Variants in PSMG2 observed in about 807,000 individuals in gnomAD.
PSMG2 encodes the protein proteasome assembly chaperone 2.
PSMG2 carries 21 observed loss-of-function variants against 31.5 expected under a neutral mutation model. That is an observed-to-expected ratio of 0.67 (90% CI 0.47 to 0.96). PSMG2 has a LOEUF of 0.96. Among genes scored for constraint, PSMG2 ranks in the 40% least tolerant of loss-of-function variants. The pLI, the probability that PSMG2 is intolerant of heterozygous loss-of-function variation, is 0.00. For synonymous variants in PSMG2, 120 were observed against 110.4 expected, an observed-to-expected ratio of 1.09 and a Z score of -0.54; for missense variants, 318 against 321.2, an observed-to-expected ratio of 0.99 and a Z score of 0.08.
intron 4 of PSMG2, among the ~76,000 whole-genome samples, chr18:12,719,016 A>G (rs28560323): frequency 0.018 from 2,779 of 152,334 alleles, 77 homozygotes; most frequent in African/African-American, 0.063. Flanking sequence ...AGTTATTTCC[A>G]TATGTTACCT....
intron 1 of PSMG2, among the ~76,000 whole-genome samples, chr18:12,688,909 T>G (rs1473971071): frequency 6.6e-6 from 1 of 151,942 alleles, no homozygotes; most frequent in African/African-American, 2.4e-5. Context: ...GGTCAGGAGA[T>G]CGAGACCATC....
upstream of PSMG2, chr18:12,702,763 T>C (rs1049036738): frequency 1.7e-6 from 1 of 589,368 alleles, no homozygotes; most frequent in Non-Finnish European, 2.9e-6. Context: ...TTTCAAACAG[T>C]GGCGGACAAA....
intron 6 of PSMG2, 79 bp from the exon 7 acceptor site, chr18:12,725,360 G>A: frequency 8.7e-7 from 1 of 1,155,122 alleles, no homozygotes; most frequent in Non-Finnish European, 1.2e-6. Context: ...GAACACAAAA[G>A]GAGAGTTTTA....
intron 1 of PSMG2, among the ~76,000 whole-genome samples, chr18:12,659,247 C>A (rs1337337990): frequency 6.9e-6 from 1 of 144,450 alleles, no homozygotes; most frequent in Admixed American, 6.8e-5. Flanking sequence ...TCAACAATTG[C>A]ATCTTGCGGT....
At chr18:12,723,773 G>T (rs2040451398) in intron 5 of PSMG2, among the ~76,000 whole-genome samples, 1 of 152,154 alleles carries the variant, frequency 6.6e-6, no homozygotes, top group South Asian at 2.1e-4. Context: ...ACTGTTTTAA[G>T]CATTTTGCCT....
In PSMG2 at chr18:12,690,706, C is replaced by T. The variant is rs149067520; in HGVS notation, c.-36-15844C>T. ...TCCTGACCTCTTGATCCACCCACCT[C>T]GGCCTCCCCAAGTGCTGGGATTACA... On this transcript the variant is annotated intron_variant, in intron 1 of 6. Transcript: ENST00000585331. Among the ~76,000 whole-genome samples the T allele has an allele frequency of 8.9e-3, 1,360 of 152,224 alleles. 28 individuals carry two copies. Among genetic ancestry groups the T allele is most frequent in the African/African-American group, 0.03 (1,253 of 41,550 alleles).
At chr18:12,658,952 A>C in intron 1 of PSMG2, 1 of 206,472 alleles carries the variant, frequency 4.8e-6, no homozygotes, top group Non-Finnish European at 1.0e-5. Flanking sequence ...CAAGTACCAC[A>C]CTCATCAGAG....
At chr18:12,702,218 C>T (rs544533224), upstream of PSMG2, among the ~76,000 whole-genome samples, 123 of 152,348 alleles carry the variant, frequency 8.1e-4, no homozygotes, top group African/African-American at 2.8e-3. Context: ...TCGCTAAGCG[C>T]TTCATTCTCA....
At chr18:12,696,937 T>G (rs948790626) in intron 1 of PSMG2, among the ~76,000 whole-genome samples, 1 of 147,872 alleles carries the variant, frequency 6.8e-6, no homozygotes, top group African/African-American at 2.7e-5. Flanking sequence ...AGCCTTATAT[T>G]TAATCAAATG....
intron 1 of PSMG2, among the ~76,000 whole-genome samples, chr18:12,662,760 G>C (rs999203433): frequency 6.6e-5 from 10 of 152,182 alleles, no homozygotes; most frequent in African/African-American, 2.4e-4. Flanking sequence ...CTGGGCGATA[G>C]AGTGAGACCT....
Position 12,718,669 on chromosome 18 carries a change from A to G in PSMG2, c.407+34A>G, listed in dbSNP as rs772657815. 3.4e-6 allele frequency: 5 copies of G among 1,484,230 alleles called. No individual in the cohort carries two copies. The South Asian group carries it at 4.8e-5, about 14-fold the overall frequency. The allele number at this position is 1,484,230 out of a possible 1,614,324, so 91.9% of individuals were successfully genotyped here. ...CTGCCTCTGGAAAGTTATTTTTGGT[A>G]TGGTTTATACTATGATAATTTCTCT... On this transcript the variant is annotated intron_variant, in intron 4 of 6. Coordinates refer to ENST00000317615, the MANE Select transcript of PSMG2 (RefSeq NM_020232.5).
upstream of PSMG2, among the ~76,000 whole-genome samples, chr18:12,698,063 G>A (rs1005654302): frequency 6.6e-6 from 1 of 151,472 alleles, no homozygotes; most frequent in Non-Finnish European, 1.5e-5. Flanking sequence ...ATAAAATTTA[G>A]TTATGAGAAT....
intron 5 of PSMG2, chr18:12,723,993 A>G (rs1176760396): frequency 6.6e-6 from 1 of 152,320 alleles, no homozygotes; most frequent in East Asian, 1.9e-4. Flanking sequence ...CTTCTTCAGG[A>G]TTATTACAGG....
At chr18:12,710,379 C>G (rs191233495) in intron 2 of PSMG2, among the ~76,000 whole-genome samples, 156 of 152,286 alleles carry the variant, frequency 1.0e-3, no homozygotes, top group African/African-American at 3.6e-3. Flanking sequence ...TGCCTCAAAC[C>G]AGATCCTTTT....
At chr18:12,723,198 T>A (rs940303757) in intron 5 of PSMG2, among the ~76,000 whole-genome samples, 3 of 152,194 alleles carry the variant, frequency 2.0e-5, no homozygotes, top group Non-Finnish European at 2.9e-5. Context: ...AGCTCTCTTC[T>A]CTGTCAGTCT....
intron 1 of PSMG2, among the ~76,000 whole-genome samples, chr18:12,671,963 G>A (rs2061166062): frequency 6.6e-6 from 1 of 151,642 alleles, no homozygotes; most frequent in African/African-American, 2.4e-5. Flanking sequence ...TAGACTACAG[G>A]CACATGCCAC....
intron 3 of PSMG2, among the ~76,000 whole-genome samples, chr18:12,715,589 T>TC (rs1568043326): frequency 6.6e-6 from 1 of 152,052 alleles, no homozygotes; most frequent in Non-Finnish European, 1.5e-5. Context: ...CACTGCAACC[T>TC]CCGTCTCCTG....
Position 12,686,164 on chromosome 18 carries a change from A to G in PSMG2, c.-36-20386A>G. On this transcript the variant is annotated intron_variant, in intron 1 of 6. Transcript: ENST00000585331. ...AACCTGTGGGTACAGAGGGTTGACTATATGTGCATTTTTCTAAGGCATTCT... is the reference window on the plus strand; with the variant it reads ...AACCTGTGGGTACAGAGGGTTGACTGTATGTGCATTTTTCTAAGGCATTCT... The G allele has an allele frequency of 1.1e-5, 10 of 925,784 alleles. No homozygotes were observed. In the South Asian group the frequency reaches 1.6e-4, roughly 15 times the overall value. 57.3% of individuals were successfully genotyped at this position (925,784 alleles called of 1,614,324 possible). A position where few individuals can be genotyped will look rare whatever the true frequency, so the allele number is the denominator to read the frequency against.
intron 1 of PSMG2, among the ~76,000 whole-genome samples, chr18:12,696,702 G>T (rs971648464): frequency 4.6e-5 from 7 of 152,206 alleles, no homozygotes; most frequent in African/African-American, 1.7e-4. Context: ...AGGAGACTAT[G>T]ATAAATAAGA....
Sources: gnomAD v4.1 joint callset for allele counts (sites outside exome capture counted in the v4.1 genomes callset) on GRCh38, gnomAD v4.1.1 for gene constraint, MANE v1.5 for transcripts, NCBI Gene and HGNC (gene_info 2026-07-23, HGNC 2026-07-21) for gene names.